The following GFPT1 variants were observed in gnomAD, a reference collection of about 807,000 sequenced individuals.
The protein encoded by GFPT1 is glutamine--fructose-6-phosphate aminotransferase [isomerizing] 1.
A neutral mutation model predicts 92.0 loss-of-function variants in GFPT1; 40 were observed. The ratio of observed to expected loss-of-function variants is 0.43; its 90% CI spans 0.34 to 0.57. The LOEUF (loss-of-function observed/expected upper bound fraction) is 0.57, where lower values mean the gene tolerates loss of function less well. Among genes scored for constraint, GFPT1 ranks in the 20% least tolerant of loss-of-function variants. The pLI is 0.02. For missense variants in GFPT1, 448 were observed against 869.1 expected (o/e 0.52, Z 6.09); for synonymous variants, 269 against 280.6 (o/e 0.96, Z 0.41).
chr2:69,341,190 T>C (rs1304740769), intron 13 of GFPT1, among the ~76,000 whole-genome samples: 1 of 152,024 alleles, frequency 6.6e-6, no homozygotes, highest in Non-Finnish European at 1.5e-5. Flanking sequence ...TAGGGTCAAC[T>C]GATCCTCCCA....
intron 1 of GFPT1, among the ~76,000 whole-genome samples, chr2:69,384,793 GA>G (rs747387583): frequency 2.8e-5 from 4 of 141,738 alleles, no homozygotes; most frequent in Non-Finnish European, 4.7e-5. Flanking sequence ...AAGAAAGAAA[GA>G]AAAGAAAAGA....
intron 19 of GFPT1, 126 bp downstream of exon 19, chr2:69,326,788 T>C (rs764002693): frequency 4.3e-6 from 4 of 930,240 alleles, no homozygotes; most frequent in African/African-American, 1.6e-5. Flanking sequence ...CATGAAAATA[T>C]AACAGGTGAC....
chr2:69,328,238 T>A, intron 18 of GFPT1, 33 bp downstream of exon 18: 1 of 1,566,000 alleles, frequency 6.4e-7, no homozygotes, highest in Non-Finnish European at 8.8e-7. Flanking sequence ...CCCTCTTTGA[T>A]CCCCAAGGTG....
intron 9 of GFPT1, among the ~76,000 whole-genome samples, chr2:69,352,692 T>C (rs1296593473): frequency 1.3e-5 from 2 of 152,066 alleles, no homozygotes; most frequent in Non-Finnish European, 2.9e-5. Flanking sequence ...CTGTGTTTTT[T>C]CTCCAAATAT....
chr2:69,332,574 G>A (rs1670691326), intron 15 of GFPT1, among the ~76,000 whole-genome samples: 1 of 151,560 alleles, frequency 6.6e-6, no homozygotes, highest in Non-Finnish European at 1.5e-5. Flanking sequence ...CAAAGTGCTG[G>A]GATTACAAGC....
At chr2:69,384,709 AAAAG>A (rs1672089455) in intron 1 of GFPT1, among the ~76,000 whole-genome samples, 2 of 148,608 alleles carry the variant, frequency 1.3e-5, no homozygotes, top group African/African-American at 5.0e-5. Flanking sequence ...AAAAAAAAAA[AAAAG>A]AAAAAAGAAA....
chr2:69,338,989 T>C (rs1670870590), intron 13 of GFPT1, among the ~76,000 whole-genome samples: 1 of 152,148 alleles, frequency 6.6e-6, no homozygotes, highest in Admixed American at 6.5e-5. Flanking sequence ...TTTCACCATG[T>C]TGGCCAGGAT....
intron 1 of GFPT1, among the ~76,000 whole-genome samples, chr2:69,384,764 GAAGA>G (rs931187253): frequency 1.6e-4 from 22 of 138,562 alleles, no homozygotes; most frequent in African/African-American, 2.9e-4. Flanking sequence ...GAGAGAGAAA[GAAGA>G]AAGAAAGAAA....
chr2:69,339,022 G>C (rs1261555261), intron 13 of GFPT1, among the ~76,000 whole-genome samples: 1 of 152,114 alleles, frequency 6.6e-6, no homozygotes, highest in African/African-American at 2.4e-5. Flanking sequence ...CTGACCTCAT[G>C]ATCTGCTCGC....
At chr2:69,371,150 C>T (rs1241643816) in intron 2 of GFPT1, among the ~76,000 whole-genome samples, 1 of 146,756 alleles carries the variant, frequency 6.8e-6, no homozygotes, top group Non-Finnish European at 1.5e-5. Context: ...AATCTCAGCT[C>T]CCTGCAACCT....
intron 1 of GFPT1, 149 bp from the exon 2 acceptor site, chr2:69,374,262 G>C: frequency 1.9e-6 from 1 of 515,606 alleles, no homozygotes; most frequent in Non-Finnish European, 3.5e-6. Flanking sequence ...TTTCAAGGGG[G>C]AGTTTCTCAT....
chr2:69,356,642 AT>A (rs1671345637), intron 6 of GFPT1, 85 bp from the exon 7 acceptor site: 1 of 971,124 alleles, frequency 1.0e-6, no homozygotes, highest in Admixed American at 1.7e-5. Context: ...CAGCGCAGAA[AT>A]TTTTTGTTCA....
At chr2:69,352,364 C>T (rs1400801338) in intron 9 of GFPT1, among the ~76,000 whole-genome samples, 1 of 151,980 alleles carries the variant, frequency 6.6e-6, no homozygotes, top group African/African-American at 2.4e-5. Context: ...CCTGTAATCC[C>T]AGCACTTTGG....
rs1369572266 is a variant in GFPT1, at chr2:69,342,745, A to G, written c.1106-496T>C. Among the ~76,000 whole-genome samples, 5 of 152,200 alleles carry G rather than the reference A, an allele frequency of 3.3e-5. No individual in the cohort carries two copies. The East Asian group carries it at 7.7e-4, about 23-fold the overall frequency. ...TCAAACTTAGAGTTATACACTAGGAATGGTGAATTTTATTATATCTAATTA... is the reference window on the plus strand; with the variant it reads ...TCAAACTTAGAGTTATACACTAGGAGTGGTGAATTTTATTATATCTAATTA... On this transcript the variant is annotated intron_variant, in intron 12 of 19. Coordinates refer to ENST00000357308, the MANE Select transcript of GFPT1 (RefSeq NM_001244710.2).
intron 15 of GFPT1, among the ~76,000 whole-genome samples, chr2:69,333,923 C>T (rs1670732514): frequency 6.6e-6 from 1 of 152,120 alleles, no homozygotes; most frequent in African/African-American, 2.4e-5. Flanking sequence ...TTTGGGAGGC[C>T]AAGACGGGTG....
At chr2:69,358,192 T>C (rs1671386512) in intron 6 of GFPT1, 137 bp downstream of exon 6, 2 of 687,448 alleles carry the variant, frequency 2.9e-6, no homozygotes, top group East Asian at 2.7e-5. Context: ...CTCAAAATTA[T>C]TCAACTTGAA....
intron 15 of GFPT1, among the ~76,000 whole-genome samples, chr2:69,330,399 A>C (rs962400750): frequency 1.3e-5 from 2 of 152,168 alleles, no homozygotes; most frequent in Admixed American, 1.3e-4. Flanking sequence ...AAGATGAGCA[A>C]ATCAGCATGT....
chr2:69,367,570 A>C (rs1357867965), intron 3 of GFPT1, among the ~76,000 whole-genome samples: 2 of 152,174 alleles, frequency 1.3e-5, no homozygotes, highest in Non-Finnish European at 2.9e-5. Flanking sequence ...CATGTTGCCC[A>C]GGCTGGTCTC....
At chr2:69,370,806 T>C (rs1002272229) in intron 2 of GFPT1, among the ~76,000 whole-genome samples, 1 of 152,090 alleles carries the variant, frequency 6.6e-6, no homozygotes, top group Non-Finnish European at 1.5e-5. Flanking sequence ...AAAGGACTTG[T>C]TGAATGGCTT....
Sources: gnomAD v4.1 joint callset for allele counts (sites outside exome capture counted in the v4.1 genomes callset) on GRCh38, gnomAD v4.1.1 for gene constraint, MANE v1.5 for transcripts, NCBI Gene and HGNC (gene_info 2026-07-23, HGNC 2026-07-21) for gene names.